The following MAGI2 variants were observed in gnomAD, a reference collection of about 807,000 sequenced individuals.
MAGI2 encodes membrane associated guanylate kinase, WW and PDZ domain containing 2.
MAGI2 carries 35 observed loss-of-function variants against 133.3 expected under a neutral mutation model. The ratio of observed to expected loss-of-function variants is 0.26; its 90% confidence interval spans 0.20 to 0.35. The LOEUF (loss-of-function observed/expected upper bound fraction) is 0.35. Among genes scored for constraint, MAGI2 ranks in the 10% least tolerant of loss-of-function variants. The pLI is 1.00. For missense variants in MAGI2, 1,636 were observed against 1,863.4 expected (o/e 0.88, Z 2.25); for synonymous variants, 729 against 710.6 (o/e 1.03, Z -0.41).
intron 13 of MAGI2, among the ~76,000 whole-genome samples, chr7:78,183,132 T>C (rs1827342241): frequency 6.6e-6 from 1 of 152,182 alleles, no homozygotes; most frequent in South Asian, 2.1e-4. Context: ...CTTATGCAGG[T>C]AAAGTTAATA....
At chr7:78,207,572 T>C (rs940457066) in intron 10 of MAGI2, among the ~76,000 whole-genome samples, 3 of 152,224 alleles carry the variant, frequency 2.0e-5, no homozygotes, top group Admixed American at 1.3e-4. Flanking sequence ...TTCAATGTTA[T>C]TCACTTTTTT....
intron 16 of MAGI2, among the ~76,000 whole-genome samples, chr7:78,141,298 C>T (rs1016739671): frequency 6.6e-6 from 1 of 152,108 alleles, no homozygotes; most frequent in African/African-American, 2.4e-5. Context: ...ATGGTGGAAA[C>T]TCCTGATCTG....
chr7:78,842,455 G>A (rs901416320), intron 2 of MAGI2, among the ~76,000 whole-genome samples: 1 of 151,904 alleles, frequency 6.6e-6, no homozygotes, highest in African/African-American at 2.4e-5. Flanking sequence ...ATATGGCAAT[G>A]TATTTTTAGT....
intron 1 of MAGI2, among the ~76,000 whole-genome samples, chr7:79,175,036 A>G (rs1825970709): frequency 6.6e-6 from 1 of 151,892 alleles, no homozygotes; most frequent in African/African-American, 2.4e-5. Context: ...AATATGCACC[A>G]TAGTTCAGCT....
intron 9 of MAGI2, among the ~76,000 whole-genome samples, chr7:78,335,109 A>C (rs2691540): frequency 0.46 from 69,304 of 151,998 alleles, 16,172 homozygotes; most frequent in Non-Finnish European, 0.49. Context: ...TCTGGTCTGC[A>C]AAACCTAAAA....
chr7:78,580,039 A>T (rs966825373), intron 3 of MAGI2, among the ~76,000 whole-genome samples: 7 of 152,222 alleles, frequency 4.6e-5, no homozygotes, highest in African/African-American at 1.7e-4. Flanking sequence ...CAAACAATTT[A>T]TAAAATGTAA....
intron 3 of MAGI2, among the ~76,000 whole-genome samples, chr7:78,552,751 A>G (rs10262180): frequency 0.76 from 114,845 of 151,998 alleles, 43,574 homozygotes; most frequent in East Asian, 0.85. Context: ...TGATCCAGCT[A>G]GGGTGCCCTG....
At chr7:78,852,422 T>C (rs561911410) in intron 2 of MAGI2, among the ~76,000 whole-genome samples, 2 of 152,214 alleles carry the variant, frequency 1.3e-5, no homozygotes, top group Admixed American at 6.5e-5. Flanking sequence ...ATGGTGATAC[T>C]TTTTTGTGTC....
intron 16 of MAGI2, among the ~76,000 whole-genome samples, chr7:78,137,583 T>C (rs996223716): frequency 2.0e-5 from 3 of 152,224 alleles, no homozygotes; most frequent in Admixed American, 6.5e-5. Context: ...ACACTTTGCT[T>C]ACTACAGGAT....
chr7:78,798,779 A>T (rs982462289), intron 2 of MAGI2, among the ~76,000 whole-genome samples: 2 of 152,184 alleles, frequency 1.3e-5, no homozygotes, highest in South Asian at 4.1e-4. Flanking sequence ...GAGCTCTGCA[A>T]ACTTCCATGC....
intron 21 of MAGI2, among the ~76,000 whole-genome samples, chr7:78,059,216 G>A (rs911053580): frequency 2.0e-5 from 3 of 152,066 alleles, no homozygotes; most frequent in African/African-American, 4.8e-5. Context: ...TTCCCACCCC[G>A]TTCTGGTTGA....
intron 1 of MAGI2, among the ~76,000 whole-genome samples, chr7:79,396,797 T>G (rs1464279134): frequency 1.3e-5 from 2 of 152,148 alleles, no homozygotes; most frequent in Non-Finnish European, 2.9e-5. Flanking sequence ...GACTTATTAT[T>G]TAATGTAAAC....
chr7:78,751,449 C>G (rs1823450201), intron 2 of MAGI2, among the ~76,000 whole-genome samples: 1 of 152,186 alleles, frequency 6.6e-6, no homozygotes, highest in Admixed American at 6.5e-5. Context: ...TCCAGCAAAC[C>G]TCACACGAAT....
intron 1 of MAGI2, among the ~76,000 whole-genome samples, chr7:79,179,145 G>A (rs1424432821): frequency 1.3e-5 from 2 of 151,902 alleles, no homozygotes; most frequent in Admixed American, 6.6e-5. Context: ...ATATTACAGT[G>A]TTAATAATTT....
intron 1 of MAGI2, among the ~76,000 whole-genome samples, chr7:79,092,839 T>C (rs985285000): frequency 3.3e-5 from 5 of 152,178 alleles, no homozygotes; most frequent in Non-Finnish European, 7.4e-5. Flanking sequence ...CAACCCCTAA[T>C]GTCTTCAGCC....
intron 2 of MAGI2, among the ~76,000 whole-genome samples, chr7:78,726,181 C>A (rs912228632): frequency 6.6e-6 from 1 of 152,144 alleles, no homozygotes; most frequent in Non-Finnish European, 1.5e-5. Context: ...TTAGAATTCA[C>A]AACCTATGTA....
intron 1 of MAGI2, among the ~76,000 whole-genome samples, chr7:79,445,712 T>C (rs1340335819): frequency 2.6e-5 from 4 of 152,210 alleles, no homozygotes; most frequent in Non-Finnish European, 4.4e-5. Context: ...TTTTACACTG[T>C]TGGTGGGACT....
chr7:79,226,810 T>C (rs1830900796), intron 1 of MAGI2, among the ~76,000 whole-genome samples: 1 of 152,176 alleles, frequency 6.6e-6, no homozygotes, highest in East Asian at 1.9e-4. Flanking sequence ...CTTTAAAAGA[T>C]TACTTGAAGA....
chr7:79,125,987 T>C (rs1413638545), intron 1 of MAGI2, among the ~76,000 whole-genome samples: 1 of 152,260 alleles, frequency 6.6e-6, no homozygotes, highest in Admixed American at 6.5e-5. Flanking sequence ...CAAAAAAACT[T>C]AAGGGCTGTA....
Sources: gnomAD v4.1 joint callset for allele counts (sites outside exome capture counted in the v4.1 genomes callset) on GRCh38, gnomAD v4.1.1 for gene constraint, MANE v1.5 for transcripts, NCBI Gene and HGNC (gene_info 2026-07-23, HGNC 2026-07-21) for gene names.